TUBGCP4: variants seen among roughly 807,000 people sequenced by gnomAD.
TUBGCP4 encodes the protein gamma-tubulin complex component 4.
In TUBGCP4, 54 loss-of-function variants were observed where a neutral mutation model predicts 91.6. That is an observed-to-expected ratio of 0.59 (90% CI 0.47 to 0.74). The LOEUF is 0.74. Ranked by LOEUF, TUBGCP4 falls within the 30% of genes least tolerant of loss-of-function variation. The pLI, the probability that TUBGCP4 is intolerant of heterozygous loss-of-function variation, is 0.00. For synonymous variants in TUBGCP4, 297 were observed against 302.8 expected (o/e 0.98, Z 0.20); for missense variants, 593 against 800.9 (o/e 0.74, Z 3.13).
chr15:43,377,413 A>G (rs530626380), intron 4 of TUBGCP4, among the ~76,000 whole-genome samples: 1 of 152,224 alleles, frequency 6.6e-6, no homozygotes, highest in East Asian at 1.9e-4. Context: ...ACTTGAGGTC[A>G]GGTGTTGGAG....
intron 11 of TUBGCP4, 54 bp downstream of exon 11, chr15:43,395,742 C>A (rs2044570306): frequency 6.1e-6 from 9 of 1,471,058 alleles, no homozygotes; most frequent in Non-Finnish European, 7.6e-6. Flanking sequence ...CAGGGTATTT[C>A]TTGGCTGCTG....
intron 11 of TUBGCP4, among the ~76,000 whole-genome samples, chr15:43,396,433 G>A (rs1404734256): frequency 1.3e-5 from 2 of 151,984 alleles, no homozygotes; most frequent in East Asian, 1.9e-4. Flanking sequence ...AGTAGAGTTG[G>A]GTAAGGATCC....
At chr15:43,377,967 G>T in intron 5 of TUBGCP4, 64 bp downstream of exon 5, 1 of 1,317,918 alleles carries the variant, frequency 7.6e-7, no homozygotes, top group Non-Finnish European at 1.0e-6. Context: ...AATTAATTTT[G>T]CTTTACATTA....
At position 43,377,920 on chromosome 15, in the gene TUBGCP4, T is replaced by A; in HGVS notation, c.441+17T>A. ...AGTCAAAAGGTGAGAACTTTCCTTA[T>A]TCCTTTTGCTTTGCTAAGCACTGAG... On this transcript the variant is annotated intron_variant, in intron 5 of 17. Transcript: ENST00000564079. The A allele has an allele frequency of 1.3e-6, 2 of 1,581,382 alleles. No individual in the cohort carries two copies. Among genetic ancestry groups the A allele is most frequent in the Non-Finnish European group, 1.7e-6 (2 of 1,165,044 alleles).
At chr15:43,385,548 G>A (rs572625545) in intron 7 of TUBGCP4, 1 of 526,246 alleles carries the variant, frequency 1.9e-6, no homozygotes, top group South Asian at 1.9e-5. Context: ...TTACTCAGTA[G>A]TAAAGGCAGA....
chr15:43,407,178 A>AGAT lies in TUBGCP4; in HGVS notation c.*1965_*1967dup. On this transcript the variant is annotated 3_prime_UTR_variant, in exon 18 of 18. Coordinates refer to ENST00000564079, the MANE Select transcript of TUBGCP4 (RefSeq NM_014444.5). ...GTACTATGTCTTGTCATTTGTTCTG[A>AGAT]GATTAAGCTCAAAAAAACAGATGAA... 3 of 555,002 alleles carry AGAT rather than the reference A, an allele frequency of 5.4e-6. No homozygotes were observed. The highest frequency in any genetic ancestry group is 5.9e-5 in the East Asian group (2 of 33,686). 34.4% of individuals were successfully genotyped at this position (555,002 alleles called of 1,614,324 possible).
rs2044838925 is a variant in TUBGCP4 at position 43,405,508 on chromosome 15, C to T, written c.*294C>T. On this transcript the variant is annotated 3_prime_UTR_variant, in exon 18 of 18. Coordinates refer to ENST00000564079, the MANE Select transcript of TUBGCP4 (RefSeq NM_014444.5). ...ATAGTCATTTATTGAGCACCTACTACGTACCTTGGTACTGTTCAAGCTGTG... is the reference window on the plus strand; with the variant it reads ...ATAGTCATTTATTGAGCACCTACTATGTACCTTGGTACTGTTCAAGCTGTG... 9 of 478,708 alleles carry T rather than the reference C, an allele frequency of 1.9e-5. No individual in the cohort carries two copies. The highest frequency in any genetic ancestry group is 7.2e-5 in the Admixed American group (2 of 27,964). 29.7% of individuals were successfully genotyped at this position (478,708 alleles called of 1,614,324 possible).
At chr15:43,384,737 G>A (rs913474876) in intron 7 of TUBGCP4, among the ~76,000 whole-genome samples, 3 of 152,162 alleles carry the variant, frequency 2.0e-5, no homozygotes, top group African/African-American at 7.2e-5. Context: ...AGAGTTGGGG[G>A]CTATTGAATT....
chr15:43,395,596 T>A lies in TUBGCP4; in HGVS notation c.1079T>A (p.Phe360Tyr). 3.1e-6 allele frequency: 5 copies of A among 1,613,956 alleles called. No individual in the cohort carries two copies. Among genetic ancestry groups the A allele is most frequent in the Non-Finnish European group, 4.2e-6 (5 of 1,179,840 alleles). The change falls in exon 11 of 18, where the codon TTT (phenylalanine) becomes TAT (tyrosine). Residue 360 changes from phenylalanine to tyrosine, a missense_variant. Phe to Tyr is a conservative substitution (Grantham distance 22, BLOSUM62 3). Transcript: ENST00000564079. ...LLGQLKIIKD[F>Y]YLLGRGELFQ... The stretch of plus-strand genomic sequence containing the variant: ...TTCTTTCCTCAGATCATTAAAGACT[T>A]TTACCTTCTGGGACGTGGAGAACTG...
At chr15:43,378,165 C>T (rs1401455704) in intron 5 of TUBGCP4, among the ~76,000 whole-genome samples, 1 of 152,090 alleles carries the variant, frequency 6.6e-6, no homozygotes, top group Non-Finnish European at 1.5e-5. Flanking sequence ...AAAAAAAGTG[C>T]TGTGGATGTT....
intron 17 of TUBGCP4, chr15:43,404,980 C>T: frequency 1.8e-6 from 1 of 557,548 alleles, no homozygotes; most frequent in South Asian, 2.6e-5. Context: ...GCTGGCTTCC[C>T]AGAGGTCTGT....
intron 1 of TUBGCP4, among the ~76,000 whole-genome samples, chr15:43,371,672 G>A (rs1159092582): frequency 6.6e-6 from 1 of 152,162 alleles, no homozygotes; most frequent in Admixed American, 6.5e-5. Context: ...GGCGGGGCGA[G>A]GAAAGGGCCT....
intron 14 of TUBGCP4, among the ~76,000 whole-genome samples, chr15:43,400,936 G>A (rs1344847411): frequency 1.3e-5 from 2 of 151,532 alleles, no homozygotes; most frequent in Admixed American, 6.6e-5. Flanking sequence ...AAAAACTCCA[G>A]GCTTCAAATG....
chr15:43,388,167 C>G (rs1215450930), intron 9 of TUBGCP4, among the ~76,000 whole-genome samples: 1 of 152,164 alleles, frequency 6.6e-6, no homozygotes, highest in Non-Finnish European at 1.5e-5. Flanking sequence ...TCTATTTAAG[C>G]AAGCCAGTCC....
chr15:43,378,934 C>T (rs919551367), intron 5 of TUBGCP4, among the ~76,000 whole-genome samples: 1 of 152,152 alleles, frequency 6.6e-6, no homozygotes, highest in Non-Finnish European at 1.5e-5. Context: ...AAACTATCTC[C>T]CAAAATAAAA....
intron 4 of TUBGCP4, chr15:43,377,627 A>G: frequency 2.1e-6 from 1 of 476,258 alleles, no homozygotes; most frequent in Non-Finnish European, 3.6e-6. Context: ...AAAAAAAAAA[A>G]AGAAAAAAGA....
chr15:43,398,226 T>C, intron 13 of TUBGCP4, 47 bp downstream of exon 13: 1 of 1,583,150 alleles, frequency 6.3e-7, no homozygotes. Context: ...CCACCTTACT[T>C]GTAAGGGAAG....
rs1255143631 is a variant in TUBGCP4, at chr15:43,377,052, C to G, written c.369C>G (p.Asn123Lys). 5 of 1,613,866 alleles carry G rather than the reference C, an allele frequency of 3.1e-6. No homozygotes were observed. Among genetic ancestry groups the G allele is most frequent in the Non-Finnish European group, 4.2e-6 (5 of 1,179,748 alleles). The change falls in exon 4 of 18, where the codon AAC becomes AAG. Residue 123 changes from asparagine to lysine, a missense_variant. Coordinates refer to ENST00000564079, the MANE Select transcript of TUBGCP4 (RefSeq NM_014444.5). ...CCCATCTCTCCATATCACATGTCAA[C>G]TACTTCCTAGACCAGGTATGCTGCC... ...GDPHLSISHV[N>K]YFLDQFQLLF...
At position 43,407,931 on chromosome 15, in the gene TUBGCP4, TC is replaced by T; in HGVS notation, c.*2718del. The T allele has an allele frequency of 1.9e-6, 3 of 1,608,564 alleles. No individual in the cohort carries two copies. Among genetic ancestry groups the T allele is most frequent in the Non-Finnish European group, 2.5e-6 (3 of 1,179,124 alleles). On this transcript the variant is annotated 3_prime_UTR_variant, in exon 18 of 18. Transcript: ENST00000564079. ...CCTGGAACAAAGACACTACACACACTCTTTCAGGTACCTTTGTTATGGGCAC... is the reference window on the plus strand; with the variant it reads ...CCTGGAACAAAGACACTACACACACTTTTCAGGTACCTTTGTTATGGGCAC...
Sources: gnomAD v4.1 joint callset for allele counts (sites outside exome capture counted in the v4.1 genomes callset) on GRCh38, gnomAD v4.1.1 for gene constraint, MANE v1.5 for transcripts, NCBI Gene and HGNC (gene_info 2026-07-23, HGNC 2026-07-21) for gene names.